TBC1D4: variants seen among roughly 807,000 people sequenced by gnomAD.
The protein encoded by TBC1D4 is TBC (Tre-2, BUB2, CDC16) domain-containing protein.
TBC1D4 carries 121 observed loss-of-function variants against 142.5 expected under a neutral mutation model. That is an observed-to-expected ratio of 0.85 (90% CI 0.73 to 0.99). The LOEUF (loss-of-function observed/expected upper bound fraction) is 0.99. Ranked by LOEUF, TBC1D4 falls within the 50% of genes least tolerant of loss-of-function variation. The pLI is 0.00. For missense variants in TBC1D4, 1,475 were observed against 1,606.6 expected, an observed-to-expected ratio of 0.92 and a Z score of 1.40; for synonymous variants, 630 against 628.2, an observed-to-expected ratio of 1.00 and a Z score of -0.04.
At chr13:75,416,084 C>T (rs1165302963) in intron 1 of TBC1D4, among the ~76,000 whole-genome samples, 1 of 152,146 alleles carries the variant, frequency 6.6e-6, no homozygotes, top group Non-Finnish European at 1.5e-5. Flanking sequence ...TGTACAAAAC[C>T]TCAATCTGGA....
intron 5 of TBC1D4, among the ~76,000 whole-genome samples, chr13:75,346,791 A>G (rs563674553): frequency 6.6e-6 from 1 of 152,264 alleles, no homozygotes; most frequent in South Asian, 2.1e-4. Context: ...GCATTATACT[A>G]TGTACTTTTC....
In TBC1D4 at chr13:75,362,432, C is replaced by A; in HGVS notation, c.674G>T (p.Cys225Phe). The A allele has an allele frequency of 1.2e-6, 2 of 1,614,242 alleles. No individual in the cohort carries two copies. The highest frequency in any genetic ancestry group is 1.7e-6 in the Non-Finnish European group (2 of 1,180,040). The change falls in exon 2 of 21, where the codon TGC becomes TTC. Residue 225 changes from cysteine to phenylalanine, a missense_variant. Physicochemically the swap from Cys to Phe is radical, Grantham distance 205 (BLOSUM62 -2). This residue lies in a region of TBC1D4 where 1,227 missense variants were observed against 1,267.7 expected (regional missense o/e 0.97). Transcript: ENST00000377636. This position sits in a 1 kb window ranked among gnomAD's most constrained non-coding sequence, Gnocchi z 4.2. ...TTCGTGCAGGCTGAACTTCTCCATG[C>A]AGTCATCGATGAGGCTTGAGGGGGC... is the stretch of plus-strand genomic sequence containing the variant. ...KKAPSSLIDD[C>F]MEKFSLHEQQ...
At chr13:75,315,205 G>C (rs1430534487) in intron 12 of TBC1D4, among the ~76,000 whole-genome samples, 1 of 151,596 alleles carries the variant, frequency 6.6e-6, no homozygotes, top group Non-Finnish European at 1.5e-5. Flanking sequence ...CTACTCAGGA[G>C]GCTGAGGTGG....
intron 1 of TBC1D4, among the ~76,000 whole-genome samples, 158 bp downstream of exon 1, chr13:75,481,112 G>A (rs1249496500): frequency 2.0e-5 from 3 of 152,208 alleles, no homozygotes; most frequent in African/African-American, 7.2e-5. Context: ...CCAAGGTCCA[G>A]GGAAGGGGCC....
At chr13:75,479,124 G>A (rs1430759513) in intron 1 of TBC1D4, among the ~76,000 whole-genome samples, 2 of 152,152 alleles carry the variant, frequency 1.3e-5, no homozygotes, top group East Asian at 3.9e-4. Flanking sequence ...CCACTATCCA[G>A]TCCTCCATGG....
chr13:75,433,364 T>C (rs1160705053), intron 1 of TBC1D4, among the ~76,000 whole-genome samples: 1 of 152,178 alleles, frequency 6.6e-6, no homozygotes, highest in African/African-American at 2.4e-5. Context: ...TAAGGGCTCA[T>C]AGATTCTTTG....
At chr13:75,363,602 C>G (rs1241162250) in intron 1 of TBC1D4, among the ~76,000 whole-genome samples, 4 of 152,218 alleles carry the variant, frequency 2.6e-5, no homozygotes, top group Non-Finnish European at 5.9e-5. Flanking sequence ...ATCCAAGGTA[C>G]TTCTTACATA....
intron 1 of TBC1D4, among the ~76,000 whole-genome samples, chr13:75,475,616 T>G (rs575653104): frequency 5.4e-4 from 82 of 152,248 alleles, no homozygotes; most frequent in Non-Finnish European, 9.8e-4. Flanking sequence ...ATTCTTTTAC[T>G]TATGAGGTAA....
At chr13:75,385,991 G>C (rs1485770231) in intron 1 of TBC1D4, among the ~76,000 whole-genome samples, 1 of 152,116 alleles carries the variant, frequency 6.6e-6, no homozygotes, top group Non-Finnish European at 1.5e-5. Context: ...TAAAGCCCTC[G>C]TGTCCTGCTA....
At chr13:75,366,253 G>T (rs1167512482) in intron 1 of TBC1D4, among the ~76,000 whole-genome samples, 1 of 152,136 alleles carries the variant, frequency 6.6e-6, no homozygotes, top group Non-Finnish European at 1.5e-5. Context: ...GGACTGACAG[G>T]TTTATATTCT....
intron 1 of TBC1D4, among the ~76,000 whole-genome samples, chr13:75,379,923 T>A (rs1883728714): frequency 1.1e-5 from 1 of 91,066 alleles, no homozygotes; most frequent in African/African-American, 4.1e-5. Context: ...TTTTTTTTTT[T>A]GAGAAAGAGT....
rs187308618 is a variant in TBC1D4 at position 75,299,093 on chromosome 13, A to G, written c.3156+237T>C. On this transcript the variant is annotated intron_variant, in intron 17 of 20. Transcript: ENST00000377636. Reference sequence around the variant, plus strand: ...ATCACCTACCTTTCTTAAATTACTTATTTACTTACTTCAGGAATTTTATGG... The same window carrying G: ...ATCACCTACCTTTCTTAAATTACTTGTTTACTTACTTCAGGAATTTTATGG... Among the ~76,000 whole-genome samples, 17 of 152,288 alleles carry G rather than the reference A, an allele frequency of 1.1e-4. No homozygotes were observed. In the East Asian group the frequency reaches 3.3e-3, roughly 29 times the overall value.
At chr13:75,409,415 G>A (rs1157768698) in intron 1 of TBC1D4, among the ~76,000 whole-genome samples, 1 of 152,020 alleles carries the variant, frequency 6.6e-6, no homozygotes, top group African/African-American at 2.4e-5. Flanking sequence ...GAAAGTAATG[G>A]CTGGGTTCAC....
intron 1 of TBC1D4, among the ~76,000 whole-genome samples, chr13:75,454,863 C>T (rs951954894): frequency 6.6e-6 from 1 of 152,168 alleles, no homozygotes; most frequent in Non-Finnish European, 1.5e-5. Context: ...TACATAACTA[C>T]ATTGTAAATG....
chr13:75,472,144 G>C (rs1191186633), intron 1 of TBC1D4, among the ~76,000 whole-genome samples: 3 of 151,702 alleles, frequency 2.0e-5, no homozygotes, highest in Non-Finnish European at 2.9e-5. Context: ...AATATGGATG[G>C]GCCATTGCGG....
chr13:75,302,800 C>G, intron 15 of TBC1D4: 1 of 251,648 alleles, frequency 4.0e-6, no homozygotes, highest in South Asian at 5.3e-5. Flanking sequence ...GTAATTGCCC[C>G]AAGTTCACAT....
In TBC1D4 at chr13:75,481,448, G is replaced by C. The variant is rs375044820; in HGVS notation, c.320C>G (p.Pro107Arg). Residue 107 changes from proline (P) to arginine (R), a missense_variant, in exon 1 of 21, where the codon CCG becomes CGG. Coordinates refer to ENST00000377636, the MANE Select transcript of TBC1D4 (RefSeq NM_014832.5). ...PGAGASGGTS[P>R]SATQPNPAVF... The stretch of plus-strand genomic sequence containing the variant: ...CGCCGGGTTGGGCTGCGTGGCCGAC[G>C]GACTAGTGCCCCCCGAGGCCCCAGC... The C allele has an allele frequency of 6.2e-7, 1 of 1,613,788 alleles. No homozygotes were observed. Among genetic ancestry groups the C allele is most frequent in the Non-Finnish European group, 8.5e-7 (1 of 1,179,786 alleles).
intron 1 of TBC1D4, among the ~76,000 whole-genome samples, chr13:75,389,723 AAAT>A (rs1204305237): frequency 2.0e-5 from 3 of 152,218 alleles, no homozygotes; most frequent in Non-Finnish European, 4.4e-5. Context: ...CAATTTATAA[AAAT>A]AACTACAAAA....
In TBC1D4 at chr13:75,420,353, T is replaced by C. The variant is rs1209930083; in HGVS notation, c.499-57746A>G. ...GCAATTCAGAGAGCCACAAAAATAG[T>C]TACAAAAAAAAAGTGAATGTATAGC... On this transcript the variant is annotated intron_variant, in intron 1 of 20. Coordinates refer to ENST00000377636, the MANE Select transcript of TBC1D4 (RefSeq NM_014832.5). Among the ~76,000 whole-genome samples the C allele has an allele frequency of 2.6e-5, 4 of 152,228 alleles. No homozygotes were observed. The South Asian group carries it at 8.3e-4, about 32-fold the overall frequency.
Sources: allele counts gnomAD v4.1 joint callset (sites outside exome capture counted in the v4.1 genomes callset), GRCh38; gene constraint gnomAD v4.1.1; regional missense constraint gnomAD v4.1.1; non-coding constraint Gnocchi (gnomAD v3.1); transcripts MANE v1.5; gene names NCBI Gene and HGNC (gene_info 2026-07-23, HGNC 2026-07-21).